The following ANO2 variants were observed in gnomAD, a reference collection of about 807,000 sequenced individuals.
ANO2 encodes anoctamin 2.
Under a neutral mutation model 124.2 loss-of-function variants are expected in ANO2, and 101 were observed. The ratio of observed to expected loss-of-function variants is 0.81; its 90% CI spans 0.69 to 0.96. The LOEUF (loss-of-function observed/expected upper bound fraction) is 0.96. Ranked by LOEUF, ANO2 falls within the 40% of genes least tolerant of loss-of-function variation. ANO2 has a pLI of 0.00. For synonymous variants in ANO2, 486 were observed against 482.5 expected (o/e 1.01, Z -0.09); for missense variants, 1,293 against 1,274.5 (o/e 1.01, Z -0.22).
At chr12:5,903,320 T>TA (rs903886279) in intron 3 of ANO2, among the ~76,000 whole-genome samples, 33 of 152,160 alleles carry the variant, frequency 2.2e-4, no homozygotes, top group African/African-American at 7.7e-4. Context: ...GAGCTTCTGA[T>TA]ATATGCCAGG....
intron 14 of ANO2, among the ~76,000 whole-genome samples, chr12:5,722,016 T>C (rs1389448956): frequency 6.6e-6 from 1 of 152,202 alleles, no homozygotes; most frequent in African/African-American, 2.4e-5. Flanking sequence ...AAATAAACAA[T>C]AATAATTTAT....
intron 14 of ANO2, among the ~76,000 whole-genome samples, chr12:5,727,266 CCTT>C (rs1950475479): frequency 6.6e-6 from 1 of 152,058 alleles, no homozygotes; most frequent in African/African-American, 2.4e-5. Context: ...ATAACTCACT[CCTT>C]TTTCTCTCTC....
At chr12:5,861,443 CTTG>C (rs1261897212) in intron 3 of ANO2, among the ~76,000 whole-genome samples, 4 of 152,176 alleles carry the variant, frequency 2.6e-5, no homozygotes, top group Non-Finnish European at 4.4e-5. Context: ...TTGTTTTTGT[CTTG>C]TTGTTGTTAT....
At chr12:5,915,866 G>A (rs937683599) in intron 3 of ANO2, among the ~76,000 whole-genome samples, 3 of 152,222 alleles carry the variant, frequency 2.0e-5, no homozygotes, top group Non-Finnish European at 4.4e-5. Context: ...AGGAGGCGAC[G>A]ATTCATTCTC....
intron 14 of ANO2, among the ~76,000 whole-genome samples, chr12:5,712,536 C>A (rs1949856014): frequency 6.6e-6 from 1 of 152,176 alleles, no homozygotes; most frequent in African/African-American, 2.4e-5. Flanking sequence ...CTAGAGACTT[C>A]AGAGGGAACG....
At chr12:5,672,797 A>G (rs989394469) in intron 14 of ANO2, among the ~76,000 whole-genome samples, 33 of 152,242 alleles carry the variant, frequency 2.2e-4, no homozygotes, top group African/African-American at 7.5e-4. Flanking sequence ...GGGAGCACTT[A>G]GAAAAAAAAT....
chr12:5,612,555 G>A, intron 19 of ANO2, 101 bp downstream of exon 19: 3 of 946,334 alleles, frequency 3.2e-6, no homozygotes, highest in Non-Finnish European at 5.0e-6. Context: ...TCACCAAGCT[G>A]TCTAAGAAGA....
chr12:5,669,533 C>T (rs189714883), intron 14 of ANO2, among the ~76,000 whole-genome samples: 1 of 152,150 alleles, frequency 6.6e-6, no homozygotes, highest in African/African-American at 2.4e-5. Context: ...TTGTTTATTT[C>T]TCTTACCTGA....
intron 3 of ANO2, among the ~76,000 whole-genome samples, chr12:5,873,782 T>C (rs2137285667): frequency 6.6e-6 from 1 of 152,266 alleles, no homozygotes; most frequent in South Asian, 2.1e-4. Context: ...GCAGGGGTGG[T>C]GAAGTGTTTT....
intron 23 of ANO2, among the ~76,000 whole-genome samples, chr12:5,566,861 T>G (rs1941795172): frequency 6.6e-6 from 1 of 152,166 alleles, no homozygotes; most frequent in Non-Finnish European, 1.5e-5. Context: ...TCACAGGGCA[T>G]CTTACCAGTG....
intron 14 of ANO2, among the ~76,000 whole-genome samples, chr12:5,671,740 C>T (rs1243253151): frequency 2.6e-5 from 4 of 152,154 alleles, no homozygotes; most frequent in Admixed American, 6.5e-5. Context: ...TGACAATACT[C>T]GAAAGCCTAG....
At chr12:5,623,135 G>T (rs1295315812) in intron 16 of ANO2, among the ~76,000 whole-genome samples, 1 of 151,984 alleles carries the variant, frequency 6.6e-6, no homozygotes, top group Non-Finnish European at 1.5e-5. Flanking sequence ...CTTCTGGAGG[G>T]GTCTGAATCT....
chr12:5,637,794 T>C (rs1591792495), intron 15 of ANO2, among the ~76,000 whole-genome samples: 1 of 152,296 alleles, frequency 6.6e-6, no homozygotes, highest in East Asian at 1.9e-4. Flanking sequence ...CTGGTCTTAA[T>C]TTCCTATCCC....
intron 20 of ANO2, among the ~76,000 whole-genome samples, chr12:5,582,090 C>T (rs1461558205): frequency 6.6e-6 from 1 of 152,254 alleles, no homozygotes; most frequent in Non-Finnish European, 1.5e-5. Context: ...CTTTTGCCAA[C>T]ACCAAGATTT....
At chr12:5,591,335 T>C (rs1385556478) in intron 20 of ANO2, among the ~76,000 whole-genome samples, 1 of 152,122 alleles carries the variant, frequency 6.6e-6, no homozygotes, top group Non-Finnish European at 1.5e-5. Flanking sequence ...GGATAGTAAG[T>C]GATTTCAGAG....
At chr12:5,931,286 C>T (rs1218430234) in intron 1 of ANO2, among the ~76,000 whole-genome samples, 1 of 152,064 alleles carries the variant, frequency 6.6e-6, no homozygotes, top group Admixed American at 6.5e-5. Flanking sequence ...CACCATCATG[C>T]CAGGCTCCAA....
At chr12:5,601,687 T>C (rs543273122) in intron 19 of ANO2, among the ~76,000 whole-genome samples, 17 of 152,314 alleles carry the variant, frequency 1.1e-4, no homozygotes, top group African/African-American at 3.6e-4. Flanking sequence ...TGATTATACA[T>C]AGAAAATTGA....
chr12:5,827,494 G>A (rs1329498692), intron 7 of ANO2, among the ~76,000 whole-genome samples: 1 of 152,224 alleles, frequency 6.6e-6, no homozygotes, highest in African/African-American at 2.4e-5. Context: ...AGTGGCAGGT[G>A]TGGGCGGTAC....
At chr12:5,859,576 C>T (rs1955206454) in intron 3 of ANO2, among the ~76,000 whole-genome samples, 1 of 151,900 alleles carries the variant, frequency 6.6e-6, no homozygotes, top group Non-Finnish European at 1.5e-5. Context: ...TGCTTTGTCT[C>T]CCAGGCTGGA....
Sources: allele counts gnomAD v4.1 joint callset (sites outside exome capture counted in the v4.1 genomes callset), GRCh38; gene constraint gnomAD v4.1.1; transcripts MANE v1.5; gene names NCBI Gene and HGNC (gene_info 2026-07-23, HGNC 2026-07-21).